Variants in PKD1L3 observed in about 807,000 individuals in gnomAD.
PKD1L3 encodes the protein polycystin 1 like 3, transient receptor potential channel interacting.
PKD1L3 carries 239 observed loss-of-function variants against 184.1 expected under a neutral mutation model. The observed-to-expected ratio is 1.30, with a 90% CI of 1.17 to 1.45. The LOEUF is 1.45. Among genes scored for constraint, PKD1L3 ranks in the 40% most tolerant of loss-of-function variants. The probability of loss-of-function intolerance (pLI) is 0.00; values close to 1 mark genes in which losing one functional copy is unlikely to be tolerated. For missense variants in PKD1L3, 2,660 were observed against 2,067.2 expected (o/e 1.29, Z -5.56); for synonymous variants, 996 against 778.8 (o/e 1.28, Z -4.64).
At chr16:71,997,408 AAG>A (rs918606462) in intron 2 of PKD1L3, among the ~76,000 whole-genome samples, 1 of 126,588 alleles carries the variant, frequency 7.9e-6, no homozygotes, top group Admixed American at 9.0e-5. Context: ...ACAACATAAC[AAG>A]ACCCCCCCCC....
At chr16:71,988,093 C>T (rs1425484359) in intron 4 of PKD1L3, among the ~76,000 whole-genome samples, 1 of 151,836 alleles carries the variant, frequency 6.6e-6, no homozygotes, top group African/African-American at 2.4e-5. Flanking sequence ...TTTCACGGAT[C>T]CTTCTGTGTT....
chr16:71,937,347 G>C lies in PKD1L3; in HGVS notation c.4397C>G (p.Ser1466Cys). Residue 1466 changes from serine to cysteine, a missense_variant, in exon 25 of 30, where the codon TCT becomes TGT. By Grantham distance (112) the Ser-to-Cys change is moderately radical. Transcript: ENST00000620267. ...ATAATAGATGACTTGTGAGATGATA[G>C]ACCAGACACAGCCCTTCTTTGACAT... Reference protein sequence around the residue: ...LQMSKKGCVWSIISQVIYYLL... With the variant: ...LQMSKKGCVWCIISQVIYYLL... The C allele has an allele frequency of 6.4e-7, 1 of 1,551,618 alleles. No individual in the cohort carries two copies. The highest frequency in any genetic ancestry group is 8.7e-7 in the Non-Finnish European group (1 of 1,146,946).
At chr16:71,976,651 G>T (rs1041906236) in intron 11 of PKD1L3, among the ~76,000 whole-genome samples, 1 of 152,170 alleles carries the variant, frequency 6.6e-6, no homozygotes, top group Non-Finnish European at 1.5e-5. Context: ...ACATGAAGTA[G>T]CTCATGTCTG....
At chr16:71,997,880 C>A (rs1015248630) in intron 2 of PKD1L3, among the ~76,000 whole-genome samples, 8 of 152,208 alleles carry the variant, frequency 5.3e-5, no homozygotes, top group Non-Finnish European at 1.2e-4. Flanking sequence ...GATAACAGCC[C>A]TCTCACCGTT....
chr16:71,974,337 G>A lies in PKD1L3; in HGVS notation c.1760-820C>T, dbSNP rs569815830. On this transcript the variant is annotated intron_variant, in intron 11 of 29. Transcript: ENST00000620267. ...TGTCTCTCAAAAAAAGGTTCCTGAA[G>A]GCCCCTTCCGGCTCTGAATGACATA... is the stretch of plus-strand genomic sequence containing the variant. 3.3e-5 allele frequency among the ~76,000 whole-genome samples: 5 copies of A among 152,240 alleles called. No individual in the cohort carries two copies. In the East Asian group the frequency reaches 9.7e-4, roughly 30 times the overall value.
intron 2 of PKD1L3, among the ~76,000 whole-genome samples, chr16:71,995,490 C>A (rs1231892468): frequency 6.6e-6 from 1 of 151,912 alleles, no homozygotes; most frequent in African/African-American, 2.4e-5. Context: ...TTTGTTTCTC[C>A]TTCTGTTATA....
At position 71,984,055 on chromosome 16, in the gene PKD1L3, C is replaced by A. The variant is rs1172987111; in HGVS notation, c.947G>T (p.Arg316Ile). Residue 316 changes from arginine to isoleucine, a missense_variant, in exon 6 of 30, where the codon AGA becomes ATA. Transcript: ENST00000620267. The stretch of plus-strand genomic sequence containing the variant: ...ACTTACCTGAGCTGGCTTAGAAAAT[C>A]TTGGGGTTAAGGCTGTTAGTTTCTG... ...FLQKLTALTP[R>I]FSKPAQVNLI... The A allele has an allele frequency of 1.9e-6, 3 of 1,552,102 alleles. No individual in the cohort carries two copies. In the African/African-American group the frequency reaches 4.1e-5, roughly 21 times the overall value.
At position 71,999,808 on chromosome 16, in the gene PKD1L3, G is replaced by A. The variant is rs991165809; in HGVS notation, c.171C>T (p.Phe57=). The A allele has an allele frequency of 9.0e-6, 14 of 1,551,548 alleles. No individual in the cohort carries two copies. The highest frequency in any genetic ancestry group is 1.7e-4 in the Middle Eastern group (1 of 6,014). The change falls in exon 1 of 30, where the codon TTC becomes TTT. Residue 57 remains phenylalanine, a synonymous_variant. Coordinates refer to ENST00000620267, the MANE Select transcript of PKD1L3 (RefSeq NM_181536.2). ...CTTCCTTGTTCCAAATATGAGCTAGGAATCCTCTCTGCACATGACAGTAAT... is the reference window on the plus strand; with the variant it reads ...CTTCCTTGTTCCAAATATGAGCTAGAAATCCTCTCTGCACATGACAGTAAT... The part of the protein sequence containing the change: ...AQHYCHVQRG[F]LAHIWNKEVQ...
intron 4 of PKD1L3, among the ~76,000 whole-genome samples, chr16:71,989,791 A>C (rs1460143258): frequency 6.6e-6 from 1 of 152,138 alleles, no homozygotes; most frequent in Non-Finnish European, 1.5e-5. Context: ...TAAAAATTCC[A>C]AGTTTGGAGG....
intron 27 of PKD1L3, 112 bp downstream of exon 27, chr16:71,933,803 C>T (rs1480142141): frequency 8.2e-7 from 1 of 1,217,796 alleles, no homozygotes; most frequent in Non-Finnish European, 1.2e-6. Flanking sequence ...CTAAACCCGG[C>T]TTTCCTACTG....
intron 6 of PKD1L3, among the ~76,000 whole-genome samples, chr16:71,983,138 A>G (rs143773148): frequency 2.0e-5 from 3 of 152,190 alleles, no homozygotes; most frequent in Non-Finnish European, 4.4e-5. Context: ...GAAAAGACCA[A>G]TGCTGAGTTT....
At position 71,942,793 on chromosome 16, in the gene PKD1L3, T is replaced by G; in HGVS notation, c.4091A>C (p.Gln1364Pro). 1 of 1,551,662 alleles carries G rather than the reference T, an allele frequency of 6.4e-7. No individual in the cohort carries two copies. Among genetic ancestry groups the G allele is most frequent in the African/African-American group, 1.4e-5 (1 of 73,166 alleles). ...LEPSHCKCGV[Q>P]LIFQIPRTKT... ...GGTACGGGGTATTTGGAAAATTAAT[T>G]GTACCCCACATTTGCAATGACTGGG... Residue 1364 changes from glutamine to proline, a missense_variant, in exon 24 of 30, where the codon CAA (glutamine) becomes CCA (proline). Coordinates refer to ENST00000620267, the MANE Select transcript of PKD1L3 (RefSeq NM_181536.2).
Position 71,949,915 on chromosome 16 carries a change from A to T in PKD1L3, c.3486T>A (p.Gly1162=), listed in dbSNP as rs1416712098. ...WLTSVCWLLL[G]FTSLASAFFT... ...AAAAGGCTGAAGCCAGGCTAGTGAA[A>T]CCTAAGAGGAGCCAGCAGACTGAAG... Residue 1162 remains glycine, a synonymous_variant, in exon 21 of 30, where the codon GGT becomes GGA. Transcript: ENST00000620267. 12 of 1,551,696 alleles carry T rather than the reference A, an allele frequency of 7.7e-6. No homozygotes were observed. The highest frequency in any genetic ancestry group is 1.4e-5 in the African/African-American group (1 of 73,142).
At chr16:71,987,835 A>G (rs1265885632) in intron 4 of PKD1L3, among the ~76,000 whole-genome samples, 1 of 149,944 alleles carries the variant, frequency 6.7e-6, no homozygotes, top group African/African-American at 2.5e-5. Context: ...GAATACAGGG[A>G]GAGAGAGAGC....
intron 26 of PKD1L3, 69 bp from the exon 27 acceptor site, chr16:71,934,194 CCTG>C: frequency 1.4e-6 from 2 of 1,435,754 alleles, no homozygotes; most frequent in Non-Finnish European, 1.9e-6. Context: ...CCCCAGCGCC[CCTG>C]CTGCTGATCG....
At position 71,933,977 on chromosome 16, in the gene PKD1L3, A is replaced by G; in HGVS notation, c.4762T>C (p.Trp1588Arg). 2 of 1,551,654 alleles carry G rather than the reference A, an allele frequency of 1.3e-6. No individual in the cohort carries two copies. The highest frequency in any genetic ancestry group is 2.4e-5 in the South Asian group (2 of 84,056). Residue 1588 changes from tryptophan (W) to arginine (R), a missense_variant, in exon 27 of 30, where the codon TGG becomes CGG. Trp to Arg is a moderately radical substitution (Grantham distance 101). Transcript: ENST00000620267. ...AGCAGAAAGCCCACCACCTCGTCCC[A>G]GGCTCGGCTCAGTGTCCTGCTGATG... ...RVISRTLSRA[W>R]DEVVGFLLII...
intron 3 of PKD1L3, among the ~76,000 whole-genome samples, chr16:71,992,747 C>A (rs2040638735): frequency 6.6e-6 from 1 of 152,028 alleles, no homozygotes; most frequent in Non-Finnish European, 1.5e-5. Context: ...GAGGTCATAC[C>A]CCGAAGAGTG....
chr16:71,941,349 G>A (rs945685384), intron 24 of PKD1L3, among the ~76,000 whole-genome samples: 2 of 151,204 alleles, frequency 1.3e-5, no homozygotes, highest in Non-Finnish European at 2.9e-5. Flanking sequence ...ATTATAGAAA[G>A]AAAAAATAGT....
chr16:71,956,227 CTT>C (rs1483478847), intron 16 of PKD1L3, among the ~76,000 whole-genome samples: 3 of 113,272 alleles, frequency 2.6e-5, no homozygotes, highest in African/African-American at 3.5e-5. Flanking sequence ...GAGTTTCACT[CTT>C]GTCACCTAGG....
Sources: gnomAD v4.1 joint callset for allele counts (sites outside exome capture counted in the v4.1 genomes callset) on GRCh38, gnomAD v4.1.1 for gene constraint, MANE v1.5 for transcripts, NCBI Gene and HGNC (gene_info 2026-07-23, HGNC 2026-07-21) for gene names.